NEK7: variants seen among roughly 807,000 people sequenced by gnomAD.
The protein encoded by NEK7 is serine/threonine-protein kinase Nek7.
Under a neutral mutation model 44.6 loss-of-function variants are expected in NEK7, and 18 were observed. That is an observed-to-expected ratio of 0.40 (90% confidence interval 0.28 to 0.60). The LOEUF (loss-of-function observed/expected upper bound fraction) is 0.60, where lower values mean the gene tolerates loss of function less well. Ranked by LOEUF, NEK7 falls within the 20% of genes least tolerant of loss-of-function variation. The probability of loss-of-function intolerance (pLI) is 0.38; values close to 1 mark genes in which losing one functional copy is unlikely to be tolerated. For missense variants in NEK7, 256 were observed against 366.5 expected, an observed-to-expected ratio of 0.70 and a Z score of 2.46; for synonymous variants, 130 against 121.1, an observed-to-expected ratio of 1.07 and a Z score of -0.48.
intron 1 of NEK7, among the ~76,000 whole-genome samples, chr1:198,216,452 A>G (rs958586064): frequency 2.0e-5 from 3 of 152,046 alleles, no homozygotes; most frequent in African/African-American, 4.8e-5. Context: ...AGGAAAGTTT[A>G]TAGCGCTAAA....
chr1:198,204,529 C>T (rs532411775), intron 1 of NEK7, among the ~76,000 whole-genome samples: 2 of 152,016 alleles, frequency 1.3e-5, no homozygotes, highest in East Asian at 3.9e-4. Context: ...ACCATCCTGG[C>T]TAACACGGTG....
intron 7 of NEK7, among the ~76,000 whole-genome samples, chr1:198,285,044 T>C (rs1485028566): frequency 1.3e-5 from 2 of 152,120 alleles, no homozygotes; most frequent in Non-Finnish European, 2.9e-5. Context: ...CTGCCCCCGC[T>C]TCACTCCCAC....
chr1:198,157,485 G>C (rs1444139072), intron 1 of NEK7, among the ~76,000 whole-genome samples: 1 of 152,184 alleles, frequency 6.6e-6, no homozygotes, highest in Non-Finnish European at 1.5e-5. Context: ...GGAGGGGGCG[G>C]CAGGAAACTT....
intron 1 of NEK7, among the ~76,000 whole-genome samples, chr1:198,214,657 CA>C (rs1186934767): frequency 6.6e-6 from 1 of 152,224 alleles, no homozygotes; most frequent in East Asian, 1.9e-4. Context: ...AAGGAATGAA[CA>C]AAGTCTCCAA....
Position 198,264,164 on chromosome 1 carries a change from T to C in NEK7, c.301T>C (p.Phe101Leu). Residue 101 changes from phenylalanine to leucine, a missense_variant, in exon 5 of 10, where the codon TTC becomes CTC. Transcript: ENST00000367385. ...HPNVIKYYAS[F>L]IEDNELNIVL... ...AAATGTAATAAAATATTATGCATCA[T>C]TCATTGAAGATAATGAACTAAACAT... 1 of 1,605,256 alleles carries C rather than the reference T, an allele frequency of 6.2e-7. No homozygotes were observed. Among genetic ancestry groups the C allele is most frequent in the Non-Finnish European group, 8.5e-7 (1 of 1,176,088 alleles).
At chr1:198,193,911 G>T (rs1416370720) in intron 1 of NEK7, among the ~76,000 whole-genome samples, 1 of 152,124 alleles carries the variant, frequency 6.6e-6, no homozygotes, top group Non-Finnish European at 1.5e-5. Context: ...CTGGCACAAG[G>T]CAAGGAAGCC....
intron 7 of NEK7, among the ~76,000 whole-genome samples, chr1:198,279,998 T>C (rs900027253): frequency 1.3e-5 from 2 of 152,092 alleles, no homozygotes; most frequent in African/African-American, 4.8e-5. Flanking sequence ...GCTTTGCATT[T>C]TTAACAGGAT....
intron 7 of NEK7, among the ~76,000 whole-genome samples, chr1:198,288,129 C>G (rs968491822): frequency 6.6e-6 from 1 of 152,206 alleles, no homozygotes; most frequent in African/African-American, 2.4e-5. Context: ...CCTAGCACCT[C>G]TAGATAGATC....
chr1:198,168,728 T>C (rs1664341302), intron 1 of NEK7, among the ~76,000 whole-genome samples: 1 of 152,190 alleles, frequency 6.6e-6, no homozygotes, highest in African/African-American at 2.4e-5. Flanking sequence ...AACTTGGTCT[T>C]ATCAATCCAC....
intron 1 of NEK7, among the ~76,000 whole-genome samples, chr1:198,169,379 A>G (rs1248527372): frequency 6.6e-6 from 1 of 152,214 alleles, no homozygotes; most frequent in African/African-American, 2.4e-5. Context: ...TGTATTTCTT[A>G]TCAAAACAAA....
intron 1 of NEK7, among the ~76,000 whole-genome samples, chr1:198,180,963 G>C (rs1196285369): frequency 1.3e-5 from 2 of 151,976 alleles, no homozygotes; most frequent in Non-Finnish European, 2.9e-5. Context: ...GTGTAAGAGA[G>C]ATATCTATGT....
chr1:198,177,978 CAA>C (rs768316909), intron 1 of NEK7, among the ~76,000 whole-genome samples: 1 of 151,842 alleles, frequency 6.6e-6, no homozygotes, highest in Non-Finnish European at 1.5e-5. Flanking sequence ...ATATAAAAGA[CAA>C]GTGTCAACAA....
chr1:198,242,526 G>T (rs1177539711), intron 2 of NEK7, among the ~76,000 whole-genome samples: 1 of 140,644 alleles, frequency 7.1e-6, no homozygotes, highest in Non-Finnish European at 1.5e-5. Context: ...AGGCTGGAGT[G>T]CAGTGGCTCA....
intron 7 of NEK7, among the ~76,000 whole-genome samples, chr1:198,286,923 C>T (rs1318330066): frequency 6.6e-6 from 1 of 152,050 alleles, no homozygotes; most frequent in East Asian, 1.9e-4. Context: ...TTGAATCTCC[C>T]CTGCCCCTTC....
At chr1:198,221,086 C>G (rs564485255) in intron 1 of NEK7, 1 of 151,948 alleles carries the variant, frequency 6.6e-6, no homozygotes, top group African/African-American at 2.4e-5. Flanking sequence ...TTCTGAAGCT[C>G]TATTTGAAAT....
At chr1:198,185,845 AG>A (rs1664906076) in intron 1 of NEK7, among the ~76,000 whole-genome samples, 1 of 152,202 alleles carries the variant, frequency 6.6e-6, no homozygotes, top group Non-Finnish European at 1.5e-5. Flanking sequence ...TTATTTGTTC[AG>A]TTTGATTGGT....
chr1:198,262,682 A>C (rs779488001), intron 4 of NEK7, 45 bp downstream of exon 4: 5 of 1,165,760 alleles, frequency 4.3e-6, no homozygotes. Flanking sequence ...CATGGTGATA[A>C]AAGTGATTTA....
intron 1 of NEK7, among the ~76,000 whole-genome samples, chr1:198,176,649 A>G (rs1664611366): frequency 6.6e-6 from 1 of 152,066 alleles, no homozygotes; most frequent in South Asian, 2.1e-4. Flanking sequence ...CATCAGGAAG[A>G]GCAGTTAGTA....
chr1:198,176,302 T>G (rs1471372628), intron 1 of NEK7, among the ~76,000 whole-genome samples: 1 of 152,144 alleles, frequency 6.6e-6, no homozygotes, highest in Non-Finnish European at 1.5e-5. Flanking sequence ...GACAAATGCT[T>G]AAAATACGTA....
Sources: allele counts gnomAD v4.1 joint callset (sites outside exome capture counted in the v4.1 genomes callset), GRCh38; gene constraint gnomAD v4.1.1; transcripts MANE v1.5; gene names NCBI Gene and HGNC (gene_info 2026-07-23, HGNC 2026-07-21).